The following GALNTL6 variants were observed in gnomAD, a reference collection of about 807,000 sequenced individuals.
The protein encoded by GALNTL6 is polypeptide N-acetylgalactosaminyltransferase-like 6.
Under a neutral mutation model 73.7 loss-of-function variants are expected in GALNTL6, and 46 were observed. The ratio of observed to expected loss-of-function variants is 0.62; its 90% CI spans 0.49 to 0.80. GALNTL6 has a LOEUF of 0.80. Ranked by LOEUF, GALNTL6 falls within the 30% of genes least tolerant of loss-of-function variation. The pLI is 0.00. For missense variants in GALNTL6, 604 were observed against 755.0 expected, an observed-to-expected ratio of 0.80 and a Z score of 2.34; for synonymous variants, 259 against 263.7, an observed-to-expected ratio of 0.98 and a Z score of 0.17.
intron 7 of GALNTL6, among the ~76,000 whole-genome samples, chr4:172,843,398 C>A (rs1006081306): frequency 3.9e-5 from 6 of 152,192 alleles, no homozygotes; most frequent in Non-Finnish European, 7.3e-5. Flanking sequence ...TGATCGACCC[C>A]TAATGAACAT....
intron 2 of GALNTL6, among the ~76,000 whole-genome samples, chr4:172,109,081 A>T (rs1237082116): frequency 1.3e-5 from 2 of 148,500 alleles, no homozygotes; most frequent in African/African-American, 4.9e-5. Flanking sequence ...TTCTCATATT[A>T]TGTCATTTAA....
Position 172,334,533 on chromosome 4 carries a change from C to G in GALNTL6, c.387-13990C>G, listed in dbSNP as rs561450951. Among the ~76,000 whole-genome samples, 3 of 152,044 alleles carry G rather than the reference C, an allele frequency of 2.0e-5. 1 individual carries two copies. In the South Asian group the frequency reaches 6.2e-4, roughly 31 times the overall value. ...AATAGGATTGCCTTCTCGATTTCTT[C>G]TTTGGTGTACAGAAGTGCTACTGAT... On this transcript the variant is annotated intron_variant, in intron 4 of 12. Transcript: ENST00000506823.
intron 5 of GALNTL6, among the ~76,000 whole-genome samples, chr4:172,806,535 A>C (rs2110977017): frequency 6.6e-6 from 1 of 152,338 alleles, no homozygotes; most frequent in African/African-American, 2.4e-5. Context: ...ACTTTGGAAG[A>C]CCTGGGAAGT....
At chr4:172,346,215 A>G (rs1741733460) in intron 4 of GALNTL6, among the ~76,000 whole-genome samples, 1 of 152,256 alleles carries the variant, frequency 6.6e-6, no homozygotes. Context: ...ATATATAGAT[A>G]GACATATAAA....
chr4:172,842,013 C>G (rs190597660), intron 7 of GALNTL6, among the ~76,000 whole-genome samples: 1 of 152,248 alleles, frequency 6.6e-6, no homozygotes, highest in Admixed American at 6.5e-5. Context: ...GTCATGACAT[C>G]CCTGTGAGTT....
At chr4:171,967,408 A>C (rs75949763) in intron 2 of GALNTL6, among the ~76,000 whole-genome samples, 1,966 of 148,950 alleles carry the variant, frequency 0.013, 21 homozygotes, top group Middle Eastern at 0.022. Flanking sequence ...CAACAATAAC[A>C]AGTTTGTGAG....
chr4:172,602,578 A>T (rs1292077943), intron 5 of GALNTL6, among the ~76,000 whole-genome samples: 1 of 152,214 alleles, frequency 6.6e-6, no homozygotes, highest in Non-Finnish European at 1.5e-5. Context: ...AAAATGGAAT[A>T]TGAAAATGCT....
chr4:172,541,763 C>A (rs2110875185), intron 5 of GALNTL6, among the ~76,000 whole-genome samples: 1 of 152,276 alleles, frequency 6.6e-6, no homozygotes, highest in African/African-American at 2.4e-5. Flanking sequence ...AAGTTGTATG[C>A]ATGCTCACTT....
At chr4:172,308,915 A>T (rs1022359680) in intron 3 of GALNTL6, among the ~76,000 whole-genome samples, 1 of 152,192 alleles carries the variant, frequency 6.6e-6, no homozygotes, top group African/African-American at 2.4e-5. Flanking sequence ...TTAAAAATTT[A>T]TATGAAGTAA....
At chr4:172,669,775 G>A (rs1166330826) in intron 5 of GALNTL6, among the ~76,000 whole-genome samples, 4 of 151,750 alleles carry the variant, frequency 2.6e-5, no homozygotes, top group East Asian at 3.9e-4. Context: ...CAGGTATGAA[G>A]CCTAGAACCC....
chr4:172,423,770 C>A (rs1247495536), intron 5 of GALNTL6, among the ~76,000 whole-genome samples: 4 of 151,946 alleles, frequency 2.6e-5, no homozygotes, highest in Non-Finnish European at 5.9e-5. Flanking sequence ...TGCTTAGAAC[C>A]ATGCATAGTA....
chr4:171,990,221 C>T (rs1220651425), intron 2 of GALNTL6, among the ~76,000 whole-genome samples: 1 of 152,158 alleles, frequency 6.6e-6, no homozygotes, highest in Non-Finnish European at 1.5e-5. Context: ...TATTGATAAA[C>T]ATTTGCATAA....
chr4:172,205,464 C>T (rs566703364), intron 2 of GALNTL6, among the ~76,000 whole-genome samples: 95 of 152,258 alleles, frequency 6.2e-4, no homozygotes, highest in Admixed American at 5.4e-3. Context: ...TAAAAGCTGA[C>T]AGAGGCCAAT....
chr4:172,069,002 G>A (rs1731432630), intron 2 of GALNTL6, among the ~76,000 whole-genome samples: 1 of 109,014 alleles, frequency 9.2e-6, no homozygotes, highest in Admixed American at 9.6e-5. Flanking sequence ...CTGCAGAAAT[G>A]TCAGGTTTGG....
chr4:172,199,662 G>A (rs1300835361), intron 2 of GALNTL6, among the ~76,000 whole-genome samples: 2 of 152,138 alleles, frequency 1.3e-5, no homozygotes, highest in African/African-American at 4.8e-5. Flanking sequence ...ATAGAATTGT[G>A]GGGTTCCTCA....
At chr4:172,081,151 A>C (rs1731867997) in intron 2 of GALNTL6, among the ~76,000 whole-genome samples, 1 of 152,260 alleles carries the variant, frequency 6.6e-6, no homozygotes, top group Non-Finnish European at 1.5e-5. Context: ...ATAGACATCA[A>C]AGGCAAAAGC....
At chr4:171,856,753 A>T (rs1029971088) in intron 2 of GALNTL6, among the ~76,000 whole-genome samples, 1 of 152,158 alleles carries the variant, frequency 6.6e-6, no homozygotes, top group African/African-American at 2.4e-5. Flanking sequence ...TTGTGTGGGT[A>T]TATTCCTTGG....
intron 5 of GALNTL6, among the ~76,000 whole-genome samples, chr4:172,435,992 TC>T: frequency 1.1e-5 from 1 of 93,420 alleles, no homozygotes; most frequent in East Asian, 2.8e-4. Context: ...GTAAGAAAGT[TC>T]AATACCTTAG....
chr4:172,580,733 A>G (rs1737147978), intron 5 of GALNTL6, among the ~76,000 whole-genome samples: 1 of 152,120 alleles, frequency 6.6e-6, no homozygotes, highest in Admixed American at 6.5e-5. Flanking sequence ...AAAAAAATAC[A>G]TTATTTAACT....
Sources: gnomAD v4.1 joint callset for allele counts (sites outside exome capture counted in the v4.1 genomes callset) on GRCh38, gnomAD v4.1.1 for gene constraint, MANE v1.5 for transcripts, NCBI Gene and HGNC (gene_info 2026-07-23, HGNC 2026-07-21) for gene names.